The following PDE1A variants were observed in gnomAD, a reference collection of about 807,000 sequenced individuals.
PDE1A encodes the protein dual specificity calcium/calmodulin-dependent 3',5'-cyclic nucleotide phosphodiesterase 1A.
PDE1A carries 35 observed loss-of-function variants against 61.7 expected under a neutral mutation model. The observed-to-expected ratio is 0.57, with a 90% CI of 0.43 to 0.75. The LOEUF (loss-of-function observed/expected upper bound fraction) is 0.75, where lower values mean the gene tolerates loss of function less well. Ranked by LOEUF, PDE1A falls within the 30% of genes least tolerant of loss-of-function variation. The pLI is 0.00. For missense variants in PDE1A, 597 were observed against 630.6 expected, an observed-to-expected ratio of 0.95 and a Z score of 0.57; for synonymous variants, 232 against 213.2, an observed-to-expected ratio of 1.09 and a Z score of -0.77.
intron 13 of PDE1A, among the ~76,000 whole-genome samples, chr2:182,153,837 A>G (rs925870822): frequency 3.9e-5 from 6 of 152,278 alleles, no homozygotes; most frequent in South Asian, 2.1e-4. Flanking sequence ...ATTGAGTCTG[A>G]TGTTGGAGAT....
chr2:182,186,694 A>G lies in PDE1A; in HGVS notation c.1208-106T>C, dbSNP rs7597711. On this transcript the variant is annotated intron_variant, in intron 11 of 13. Coordinates refer to ENST00000351439, the Ensembl canonical transcript of PDE1A. ...GAGCTTCTGACAATCCTGGGATAGCAAGAATCAACTAAAATATTGGTTCTG... is the reference window on the plus strand; with the variant it reads ...GAGCTTCTGACAATCCTGGGATAGCGAGAATCAACTAAAATATTGGTTCTG... 0.73 allele frequency: 800,680 copies of G among 1,095,286 alleles called. 294,862 individuals carry two copies. Among genetic ancestry groups the G allele is most frequent in the East Asian group, 0.92 (36,715 of 39,936 alleles). 67.8% of individuals were successfully genotyped at this position (1,095,286 alleles called of 1,614,324 possible).
At chr2:182,436,692 CCT>C (rs1684444015) in intron 2 of PDE1A, among the ~76,000 whole-genome samples, 2 of 151,842 alleles carry the variant, frequency 1.3e-5, no homozygotes, top group South Asian at 2.1e-4. Flanking sequence ...CTTTATATGC[CCT>C]GTTTCAGTTA....
chr2:182,159,747 G>A (rs1330237431), intron 13 of PDE1A, among the ~76,000 whole-genome samples: 3 of 152,110 alleles, frequency 2.0e-5, no homozygotes, highest in Non-Finnish European at 4.4e-5. Flanking sequence ...TTGAGTCCAG[G>A]AGTTCAAGAC....
the PDE1A span, among the ~76,000 whole-genome samples, chr2:182,594,665 A>C: frequency 1.3e-5 from 2 of 152,226 alleles, no homozygotes; most frequent in African/African-American, 4.8e-5. Context: ...TTTTTATAGG[A>C]CCACTTCTTG....
intron 13 of PDE1A, among the ~76,000 whole-genome samples, chr2:182,172,096 G>C (rs1277896121): frequency 6.6e-6 from 1 of 151,984 alleles, no homozygotes; most frequent in Non-Finnish European, 1.5e-5. Context: ...CATTTAGTTT[G>C]CCCTTTTGTG....
the PDE1A span, among the ~76,000 whole-genome samples, chr2:182,710,793 T>C: frequency 3.0e-3 from 461 of 152,354 alleles, 3 homozygotes; most frequent in African/African-American, 0.011. Context: ...CCTTGGCTCT[T>C]GTGAATATTG....
chr2:182,497,301 C>A (rs1352718240), intron 2 of PDE1A, among the ~76,000 whole-genome samples: 1 of 152,118 alleles, frequency 6.6e-6, no homozygotes, highest in Non-Finnish European at 1.5e-5. Context: ...GAAACCTTAG[C>A]AAAGGATGAC....
At chr2:182,387,655 G>T (rs1341514882) in intron 1 of PDE1A, among the ~76,000 whole-genome samples, 1 of 152,048 alleles carries the variant, frequency 6.6e-6, no homozygotes, top group Non-Finnish European at 1.5e-5. Context: ...TACTTGGGAG[G>T]CTGAGGCATG....
the PDE1A span, among the ~76,000 whole-genome samples, chr2:182,697,999 T>C: frequency 1.3e-5 from 2 of 152,210 alleles, no homozygotes; most frequent in African/African-American, 2.4e-5. Context: ...TTAGTTCCTC[T>C]CTCTCTTCTT....
chr2:182,698,656 CAT>C, the PDE1A span, among the ~76,000 whole-genome samples: 1 of 152,140 alleles, frequency 6.6e-6, no homozygotes, highest in African/African-American at 2.4e-5. Context: ...TAAAAGTGCT[CAT>C]AGTAATTATA....
intron 1 of PDE1A, among the ~76,000 whole-genome samples, chr2:182,316,747 ACT>A (rs1696362537): frequency 6.6e-6 from 1 of 152,132 alleles, no homozygotes; most frequent in African/African-American, 2.4e-5. Flanking sequence ...CAGACTGCAG[ACT>A]CTGAATATAC....
chr2:182,259,883 T>C (rs1004645062), intron 2 of PDE1A, among the ~76,000 whole-genome samples: 6 of 152,236 alleles, frequency 3.9e-5, no homozygotes, highest in African/African-American at 1.2e-4. Flanking sequence ...CATATTTTTT[T>C]AGGCTACATG....
chr2:182,241,860 TA>T, intron 2 of PDE1A: 1 of 1,549,464 alleles, frequency 6.5e-7, no homozygotes, highest in Non-Finnish European at 8.7e-7. Context: ...GATTTACCCC[TA>T]AAACACTGAA....
upstream of PDE1A, among the ~76,000 whole-genome samples, chr2:182,431,570 C>T (rs577887855): frequency 6.6e-6 from 1 of 152,116 alleles, no homozygotes; most frequent in Non-Finnish European, 1.5e-5. Flanking sequence ...TTCGAGATAA[C>T]TTAAATCTGA....
the PDE1A span, among the ~76,000 whole-genome samples, chr2:182,626,774 TATATATACATATATATACATATATATAC>T: frequency 0.024 from 92 of 3,834 alleles, 15 homozygotes; most frequent in East Asian, 0.093. Context: ...TATATATACA[TATATATACATATATATACATATATATAC>T]ATATATATAT....
At chr2:182,256,371 T>G (rs1272954175) in intron 2 of PDE1A, among the ~76,000 whole-genome samples, 2 of 151,620 alleles carry the variant, frequency 1.3e-5, no homozygotes. Context: ...TTACTGAGAA[T>G]GATGGTTTCC....
At chr2:182,498,435 T>TA (rs2125908506) in intron 2 of PDE1A, among the ~76,000 whole-genome samples, 1 of 151,292 alleles carries the variant, frequency 6.6e-6, no homozygotes, top group African/African-American at 2.4e-5. Context: ...TGTATTTTTT[T>TA]AAAAAGGCAA....
the PDE1A span, among the ~76,000 whole-genome samples, chr2:182,535,798 C>T: frequency 5.3e-5 from 8 of 152,102 alleles, no homozygotes; most frequent in Non-Finnish European, 1.5e-5. Flanking sequence ...AAGAGGGCAA[C>T]GTTAATGCAT....
intron 1 of PDE1A, among the ~76,000 whole-genome samples, chr2:182,369,299 T>C (rs768334871): frequency 1.3e-5 from 2 of 152,228 alleles, no homozygotes; most frequent in African/African-American, 4.8e-5. Context: ...ATCTTCTTGA[T>C]ACATTGTTTT....
Sources: allele counts gnomAD v4.1 joint callset (sites outside exome capture counted in the v4.1 genomes callset), GRCh38; gene constraint gnomAD v4.1.1; transcripts MANE v1.5; gene names NCBI Gene and HGNC (gene_info 2026-07-23, HGNC 2026-07-21).